CSMD1: variants seen among roughly 807,000 people sequenced by gnomAD.
The protein encoded by CSMD1 is CUB and Sushi multiple domains 1, also known as CUB and sushi domain-containing protein 1.
A neutral mutation model predicts 417.5 loss-of-function variants in CSMD1; 213 were observed. The ratio of observed to expected loss-of-function variants is 0.51; its 90% CI spans 0.46 to 0.57. The LOEUF (loss-of-function observed/expected upper bound fraction) is 0.57, where lower values mean the gene tolerates loss of function less well. Ranked by LOEUF, CSMD1 falls within the 20% of genes least tolerant of loss-of-function variation. CSMD1 has a pLI of 0.00. For synonymous variants in CSMD1, 2,862 were observed against 1,736.8 expected (o/e 1.65, Z -16.11); for missense variants, 6,923 against 4,529.7 (o/e 1.53, Z -15.17).
intron 2 of CSMD1, among the ~76,000 whole-genome samples, chr8:4,630,726 T>G (rs1295928423): frequency 2.6e-5 from 4 of 152,146 alleles, no homozygotes; most frequent in African/African-American, 9.7e-5. Flanking sequence ...GTGCCCTCAC[T>G]AAGGTACAAT....
intron 3 of CSMD1, among the ~76,000 whole-genome samples, chr8:4,228,091 ACTCT>A (rs1801471940): frequency 6.6e-6 from 1 of 151,182 alleles, no homozygotes; most frequent in South Asian, 2.1e-4. Context: ...CAGGAGACAC[ACTCT>A]CTATCCTTCA....
rs1443984137 is a variant in CSMD1 at position 3,118,485 on chromosome 8, G to A, written c.6344C>T (p.Pro2115Leu). ...AGGATGGCCTATTAGAATGTACCCAGGATAACACTCGAAAGATACTGATTG... is the reference window on the plus strand; with the variant it reads ...AGGATGGCCTATTAGAATGTACCCAAGATAACACTCGAAAGATACTGATTG... The part of the protein sequence containing the change: ...VGQSVSFECY[P>L]GYILIGHPVL... The change falls in exon 42 of 70, where the codon CCT becomes CTT. Residue 2115 changes from proline to leucine, a missense_variant. Coordinates refer to ENST00000635120, the MANE Select transcript of CSMD1 (RefSeq NM_033225.6). 4 of 1,613,754 alleles carry A rather than the reference G, an allele frequency of 2.5e-6. No homozygotes were observed. Among genetic ancestry groups the A allele is most frequent in the African/African-American group, 1.3e-5 (1 of 74,896 alleles).
At chr8:4,182,410 C>G (rs948329806) in intron 3 of CSMD1, among the ~76,000 whole-genome samples, 1 of 152,090 alleles carries the variant, frequency 6.6e-6, no homozygotes, top group Admixed American at 6.5e-5. Context: ...TCAGTAAATG[C>G]TGAACCTGCC....
chr8:3,978,847 T>A (rs1813638206), intron 5 of CSMD1, among the ~76,000 whole-genome samples: 1 of 152,092 alleles, frequency 6.6e-6, no homozygotes, highest in South Asian at 2.1e-4. Context: ...CTTGATCCCT[T>A]CCCAGCGCTC....
intron 3 of CSMD1, among the ~76,000 whole-genome samples, chr8:4,393,016 T>C (rs1648559478): frequency 6.6e-6 from 1 of 151,888 alleles, no homozygotes; most frequent in Non-Finnish European, 1.5e-5. Flanking sequence ...CACTCTGTCA[T>C]CCAGGCTGGA....
At chr8:3,758,192 G>C (rs1174756887) in intron 5 of CSMD1, among the ~76,000 whole-genome samples, 1 of 152,140 alleles carries the variant, frequency 6.6e-6, no homozygotes, top group Non-Finnish European at 1.5e-5. Flanking sequence ...TCAAACTCCT[G>C]ACCTCAGGTG....
intron 2 of CSMD1, among the ~76,000 whole-genome samples, chr8:4,614,066 C>A (rs1233947326): frequency 6.6e-6 from 1 of 151,920 alleles, no homozygotes; most frequent in Non-Finnish European, 1.5e-5. Context: ...CAATATAGAG[C>A]CAAGATTTGA....
intron 3 of CSMD1, among the ~76,000 whole-genome samples, chr8:4,382,337 G>A (rs761036230): frequency 2.0e-5 from 3 of 152,190 alleles, no homozygotes; most frequent in Non-Finnish European, 2.9e-5. Flanking sequence ...TCTCACCAGT[G>A]CTCATGACTG....
chr8:4,043,775 G>T (rs1209307799), intron 3 of CSMD1, among the ~76,000 whole-genome samples: 3 of 152,162 alleles, frequency 2.0e-5, no homozygotes, highest in Non-Finnish European at 2.9e-5. Context: ...TCAAATGCTG[G>T]AACGCTTTAT....
At chr8:4,513,176 G>A (rs1243381382) in intron 2 of CSMD1, among the ~76,000 whole-genome samples, 1 of 152,118 alleles carries the variant, frequency 6.6e-6, no homozygotes, top group Non-Finnish European at 1.5e-5. Flanking sequence ...GTCAAAGTAG[G>A]TTCATTGATT....
intron 3 of CSMD1, among the ~76,000 whole-genome samples, chr8:4,142,086 A>G (rs966770840): frequency 6.7e-6 from 1 of 150,204 alleles, no homozygotes; most frequent in Non-Finnish European, 1.5e-5. Flanking sequence ...TCCATACTGG[A>G]ACATTCCCTA....
chr8:4,892,688 G>C (rs967070744), intron 1 of CSMD1, among the ~76,000 whole-genome samples: 1 of 151,964 alleles, frequency 6.6e-6, no homozygotes, highest in African/African-American at 2.4e-5. Context: ...CATTCATATA[G>C]TCTTTTTGTA....
intron 18 of CSMD1, among the ~76,000 whole-genome samples, chr8:3,370,219 C>A (rs13270161): frequency 0.23 from 35,233 of 152,058 alleles, 4,158 homozygotes; most frequent in African/African-American, 0.28. Flanking sequence ...TTCCCGCCAA[C>A]TTTCTTCTTT....
chr8:4,787,083 T>A (rs1797438567), intron 1 of CSMD1, among the ~76,000 whole-genome samples: 1 of 152,158 alleles, frequency 6.6e-6, no homozygotes, highest in Non-Finnish European at 1.5e-5. Context: ...ATCTAATTAC[T>A]GATAGCAGGG....
intron 5 of CSMD1, among the ~76,000 whole-genome samples, chr8:3,990,190 G>C (rs896292091): frequency 1.1e-4 from 17 of 152,198 alleles, no homozygotes; most frequent in Non-Finnish European, 2.4e-4. Context: ...CAAAAAGAAA[G>C]AAGTGTGATT....
intron 7 of CSMD1, among the ~76,000 whole-genome samples, chr8:3,618,268 G>A (rs1236803541): frequency 6.6e-6 from 1 of 152,068 alleles, no homozygotes; most frequent in Admixed American, 6.6e-5. Context: ...GCCTCCTAAA[G>A]TGTTGGGGTT....
intron 3 of CSMD1, among the ~76,000 whole-genome samples, chr8:4,319,783 G>C (rs192989010): frequency 6.6e-6 from 1 of 152,098 alleles, no homozygotes; most frequent in Non-Finnish European, 1.5e-5. Flanking sequence ...AAATACCAGA[G>C]AGAGAAGAGA....
intron 3 of CSMD1, among the ~76,000 whole-genome samples, chr8:4,051,872 CCTCCTTT>C (rs1254038678): frequency 2.7e-5 from 1 of 37,524 alleles, no homozygotes; most frequent in African/African-American, 8.0e-5. Context: ...TTCTTTCCTT[CCTCCTTT>C]CTTCCTTCCT....
At chr8:4,472,394 G>A (rs981413214) in intron 2 of CSMD1, among the ~76,000 whole-genome samples, 1 of 151,928 alleles carries the variant, frequency 6.6e-6, no homozygotes, top group African/African-American at 2.4e-5. Context: ...GTGCTTCACT[G>A]TAGTCTCTTA....
Sources: gnomAD v4.1 joint callset for allele counts (sites outside exome capture counted in the v4.1 genomes callset) on GRCh38, gnomAD v4.1.1 for gene constraint, MANE v1.5 for transcripts, NCBI Gene and HGNC (gene_info 2026-07-23, HGNC 2026-07-21) for gene names.